TSPAN18: variants seen among roughly 807,000 people sequenced by gnomAD.
The protein encoded by TSPAN18 is tetraspanin 18, also known as tetraspanin-18.
Under a neutral mutation model 27.3 loss-of-function variants are expected in TSPAN18, and 14 were observed. The observed-to-expected ratio is 0.51, with a 90% confidence interval of 0.34 to 0.80. The LOEUF (loss-of-function observed/expected upper bound fraction) is 0.80, where lower values mean the gene tolerates loss of function less well. Ranked by LOEUF, TSPAN18 falls within the 30% of genes least tolerant of loss-of-function variation. The pLI, the probability that TSPAN18 is intolerant of heterozygous loss-of-function variation, is 0.01. For synonymous variants in TSPAN18, 143 were observed against 136.5 expected (o/e 1.05, Z -0.33); for missense variants, 268 against 323.9 (o/e 0.83, Z 1.32).
intron 3 of TSPAN18, among the ~76,000 whole-genome samples, chr11:44,877,586 A>G (rs1034291961): frequency 5.3e-5 from 8 of 152,146 alleles, no homozygotes; most frequent in African/African-American, 1.9e-4. Flanking sequence ...CCGGGTGTCC[A>G]AGCATCTGGG....
chr11:44,850,428 A>T (rs935374359), intron 2 of TSPAN18, among the ~76,000 whole-genome samples: 1 of 152,084 alleles, frequency 6.6e-6, no homozygotes, highest in Admixed American at 6.5e-5. Flanking sequence ...CCCAGTGAGG[A>T]CAAGGGTGAA....
Position 44,867,389 on chromosome 11 carries a change from CTT to C in TSPAN18, c.-11+6946_-11+6947del, listed in dbSNP as rs71038824. On this transcript the variant is annotated intron_variant, in intron 3 of 9. Transcript: ENST00000520358. ...ACTGGAGAAGGCTTGGTTTATGAAT[CTT>C]TTTTTTTTTTTTTTTTTTTTTTTTT... Among the ~76,000 whole-genome samples, 383 of 60,380 alleles carry C rather than the reference CTT, an allele frequency of 6.3e-3. 3 individuals are homozygous for C. Among genetic ancestry groups the C allele is most frequent in the African/African-American group, 0.025 (350 of 13,862 alleles). The allele number at this position is 60,380 out of a possible 152,430, so 39.6% of individuals were successfully genotyped here.
At position 44,893,281 on chromosome 11, in the gene TSPAN18, G is replaced by A. The variant is rs113111090; in HGVS notation, c.-10-13126G>A. On this transcript the variant is annotated intron_variant, in intron 3 of 9. Transcript: ENST00000520358. ...GACATTCACAGCTCCATGAGCCGGC[G>A]GGGGCAGGGGAGGCTGTCATTTAGG... 3.8e-3 allele frequency among the ~76,000 whole-genome samples: 572 copies of A among 152,282 alleles called. 2 individuals carry two copies. The highest frequency in any genetic ancestry group is 5.9e-3 in the Non-Finnish European group (402 of 68,012).
At chr11:44,882,796 G>C (rs1209495371) in intron 3 of TSPAN18, among the ~76,000 whole-genome samples, 1 of 152,128 alleles carries the variant, frequency 6.6e-6, no homozygotes, top group Non-Finnish European at 1.5e-5. Flanking sequence ...CTGGCTGGCC[G>C]TGAAGCCTGA....
intron 3 of TSPAN18, among the ~76,000 whole-genome samples, chr11:44,879,892 G>A (rs900155940): frequency 6.6e-6 from 1 of 152,258 alleles, no homozygotes; most frequent in African/African-American, 2.4e-5. Context: ...CTTTGGTCAA[G>A]GGATGAGTGC....
intron 2 of TSPAN18, among the ~76,000 whole-genome samples, chr11:44,807,394 G>A (rs1363036536): frequency 8.8e-6 from 1 of 113,056 alleles, no homozygotes; most frequent in African/African-American, 3.2e-5. Context: ...CAGGTGTGGT[G>A]GTGCGTGCCT....
chr11:44,840,439 T>A (rs1857350820), intron 2 of TSPAN18, among the ~76,000 whole-genome samples: 1 of 152,216 alleles, frequency 6.6e-6, no homozygotes, highest in Non-Finnish European at 1.5e-5. Context: ...TGCTTAATAC[T>A]CCTAATAGCC....
intron 2 of TSPAN18, among the ~76,000 whole-genome samples, chr11:44,828,327 A>AAAC (rs545562181): frequency 2.0e-5 from 3 of 152,232 alleles, no homozygotes; most frequent in Admixed American, 6.5e-5. Flanking sequence ...TTTTTTAATT[A>AAAC]AACAACAACA....
chr11:44,775,852 T>C (rs1251152444), intron 2 of TSPAN18, among the ~76,000 whole-genome samples: 1 of 152,204 alleles, frequency 6.6e-6, no homozygotes, highest in Admixed American at 6.5e-5. Context: ...TGGCAGACGA[T>C]TTTTTTATAA....
intron 1 of TSPAN18, among the ~76,000 whole-genome samples, chr11:44,733,250 G>A (rs543415570): frequency 1.4e-4 from 21 of 152,328 alleles, no homozygotes; most frequent in Admixed American, 1.3e-3. Context: ...TGCATTTAAA[G>A]CTTCTAGTAT....
At chr11:44,839,503 C>T (rs1004763968) in intron 2 of TSPAN18, among the ~76,000 whole-genome samples, 1 of 152,180 alleles carries the variant, frequency 6.6e-6, no homozygotes, top group Non-Finnish European at 1.5e-5. Context: ...CTGTCTTCCT[C>T]TGTCCCACCT....
chr11:44,854,861 G>A (rs1857695295), intron 2 of TSPAN18, among the ~76,000 whole-genome samples: 3 of 152,266 alleles, frequency 2.0e-5, no homozygotes, highest in South Asian at 2.1e-4. Context: ...CAGTGCTGCT[G>A]TACTCAGATT....
chr11:44,871,235 G>C (rs1039852735), intron 3 of TSPAN18, among the ~76,000 whole-genome samples: 4 of 152,204 alleles, frequency 2.6e-5, no homozygotes, highest in Non-Finnish European at 4.4e-5. Context: ...CAAGATGCTA[G>C]AGGCTGGAAG....
rs576419758 is a variant in TSPAN18, at chr11:44,912,179, G to A, written c.258+2280G>A. 2.0e-3 allele frequency among the ~76,000 whole-genome samples: 301 copies of A among 151,880 alleles called. 1 individual carries two copies. Among genetic ancestry groups the A allele is most frequent in the African/African-American group, 7.0e-3 (291 of 41,404 alleles). On this transcript the variant is annotated intron_variant, in intron 5 of 9. Transcript: ENST00000520358. Reference sequence around the variant, plus strand: ...TGGGAACACAGGCACGTACTGTCACGCCCAGCTAATTTTTGTATTTTTTGT... The same window carrying A: ...TGGGAACACAGGCACGTACTGTCACACCCAGCTAATTTTTGTATTTTTTGT...
At chr11:44,796,998 C>T (rs1161507526) in intron 2 of TSPAN18, among the ~76,000 whole-genome samples, 2 of 152,184 alleles carry the variant, frequency 1.3e-5, no homozygotes, top group African/African-American at 4.8e-5. Context: ...GTAGCATCCT[C>T]ACCCAACTTC....
chr11:44,753,232 G>A (rs187061492), intron 1 of TSPAN18, among the ~76,000 whole-genome samples: 108 of 152,150 alleles, frequency 7.1e-4, no homozygotes, highest in Non-Finnish European at 1.3e-3. Context: ...TGGTTCAAGC[G>A]ATTCTCCTGC....
chr11:44,805,346 T>C (rs1397195720), intron 2 of TSPAN18, among the ~76,000 whole-genome samples: 1 of 152,198 alleles, frequency 6.6e-6, no homozygotes, highest in African/African-American at 2.4e-5. Flanking sequence ...ATTTCACAGC[T>C]CTTTTTGATG....
chr11:44,854,453 A>C (rs767322558), intron 2 of TSPAN18, among the ~76,000 whole-genome samples: 8 of 152,192 alleles, frequency 5.3e-5, no homozygotes, highest in Non-Finnish European at 1.2e-4. Context: ...CAAGTGCTCC[A>C]TACGTGGCAA....
chr11:44,767,864 A>G (rs73450610), intron 2 of TSPAN18, among the ~76,000 whole-genome samples: 6 of 152,160 alleles, frequency 3.9e-5, no homozygotes, highest in African/African-American at 1.4e-4. Flanking sequence ...GAGACTGTCT[A>G]TTCTCCAGTG....
Sources: allele counts gnomAD v4.1 joint callset (sites outside exome capture counted in the v4.1 genomes callset), GRCh38; gene constraint gnomAD v4.1.1; transcripts MANE v1.5; gene names NCBI Gene and HGNC (gene_info 2026-07-23, HGNC 2026-07-21).